Variants in DENND5A observed in about 807,000 individuals in gnomAD.
DENND5A encodes DENN domain-containing protein 5A.
Under a neutral mutation model 140.3 loss-of-function variants are expected in DENND5A, and 64 were observed. The ratio of observed to expected loss-of-function variants is 0.46; its 90% CI spans 0.37 to 0.56. The LOEUF is 0.56. Ranked by LOEUF, DENND5A falls within the 20% of genes least tolerant of loss-of-function variation. The probability of loss-of-function intolerance (pLI) is 0.00; values close to 1 mark genes in which losing one functional copy is unlikely to be tolerated. For synonymous variants in DENND5A, 605 were observed against 607.7 expected, an observed-to-expected ratio of 1.00 and a Z score of 0.07; for missense variants, 1,292 against 1,593.8, an observed-to-expected ratio of 0.81 and a Z score of 3.22.
chr11:9,181,139 A>G, intron 5 of DENND5A, 55 bp from the exon 6 acceptor site: 1 of 1,509,816 alleles, frequency 6.6e-7, no homozygotes, highest in Non-Finnish European at 8.9e-7. Context: ...TTACAGGAAG[A>G]AGTTTTAGAA....
chr11:9,141,897 C>A, intron 22 of DENND5A, 43 bp downstream of exon 22: 1 of 1,513,736 alleles, frequency 6.6e-7, no homozygotes, highest in Non-Finnish European at 8.9e-7. Flanking sequence ...ACACCACCAC[C>A]AAGGCTAACC....
intron 5 of DENND5A, among the ~76,000 whole-genome samples, chr11:9,191,793 CCT>C (rs1564906722): frequency 6.6e-6 from 1 of 152,134 alleles, no homozygotes; most frequent in Non-Finnish European, 1.5e-5. Flanking sequence ...GCCTCTTTGG[CCT>C]TCCACCTTCA....
intron 18 of DENND5A, among the ~76,000 whole-genome samples, chr11:9,144,729 C>T (rs1289398824): frequency 6.6e-6 from 1 of 150,730 alleles, no homozygotes; most frequent in Non-Finnish European, 1.5e-5. Context: ...GCACAGGCTG[C>T]AGTGAGCCAA....
chr11:9,172,688 C>T (rs1257111148), intron 8 of DENND5A, among the ~76,000 whole-genome samples: 1 of 152,188 alleles, frequency 6.6e-6, no homozygotes, highest in Non-Finnish European at 1.5e-5. Flanking sequence ...TTGAGGCATT[C>T]CCAGCCATGC....
intron 8 of DENND5A, chr11:9,172,261 C>T (rs1390340012): frequency 1.3e-5 from 2 of 152,092 alleles, no homozygotes; most frequent in Non-Finnish European, 2.9e-5. Context: ...GCTGCAAGCA[C>T]AAGAATCATG....
In DENND5A at chr11:9,194,118, G is replaced by A. The variant is rs935508651; in HGVS notation, c.950-437C>T. ...GATACATCTGCAGAACATCCTATAA[G>A]GAGCTTATGTGAGCTTTGCCTGCAA... is the stretch of plus-strand genomic sequence containing the variant. On this transcript the variant is annotated intron_variant, in intron 4 of 22. Transcript: ENST00000328194. Among the ~76,000 whole-genome samples the A allele has an allele frequency of 2.0e-5, 3 of 152,180 alleles. No individual in the cohort carries two copies. In the East Asian group the frequency reaches 5.8e-4, roughly 29 times the overall value.
chr11:9,164,055 G>GTTTTT (rs1848087696), intron 11 of DENND5A, among the ~76,000 whole-genome samples: 1 of 65,932 alleles, frequency 1.5e-5, no homozygotes, highest in Non-Finnish European at 2.9e-5. Context: ...ATATTAATCA[G>GTTTTT]GTTTTTTTTT....
chr11:9,144,120 G>C lies in DENND5A; in HGVS notation c.3281C>G (p.Thr1094Ser). Residue 1094 changes from threonine to serine, a missense_variant, in exon 19 of 23, where the codon ACC (threonine) becomes AGC (serine). Thr to Ser is a moderately conservative substitution (Grantham distance 58). Transcript: ENST00000328194. ...QSPSVIRRLV[T>S]ISPNNKPKLN... ...ACTGGGCTTGTTGTTGGGTGAGATG[G>C]TAACAAGCCTCCGGATGACACTGGG... 2 of 1,613,922 alleles carry C rather than the reference G, an allele frequency of 1.2e-6. No individual in the cohort carries two copies. The highest frequency in any genetic ancestry group is 1.7e-6 in the Non-Finnish European group (2 of 1,179,916).
At chr11:9,243,697 C>G (rs540268230) in intron 1 of DENND5A, among the ~76,000 whole-genome samples, 1 of 152,236 alleles carries the variant, frequency 6.6e-6, no homozygotes, top group South Asian at 2.1e-4. Flanking sequence ...ACCAGCCTGG[C>G]CAATATGGTG....
intron 1 of DENND5A, among the ~76,000 whole-genome samples, chr11:9,208,323 G>A (rs925422982): frequency 6.6e-6 from 1 of 152,186 alleles, no homozygotes; most frequent in Non-Finnish European, 1.5e-5. Flanking sequence ...CACTTGCACA[G>A]GGTCCTGTTT....
chr11:9,171,072 G>C (rs774924312), intron 8 of DENND5A: 17 of 330,484 alleles, frequency 5.1e-5, no homozygotes, highest in Non-Finnish European at 8.8e-5. Flanking sequence ...CTTCCAGGCT[G>C]TGGCACAGGG....
At position 9,203,882 on chromosome 11, in the gene DENND5A, A is replaced by G. The variant is rs1262447188; in HGVS notation, c.727T>C (p.Tyr243His). Reference protein sequence around the residue: ...PQPPPLPLESYIYNVLYEVPL... With the variant: ...PQPPPLPLESHIYNVLYEVPL... ...ACCTCGTAGAGTACGTTGTATATGT[A>G]GCTCTCAAGGGGCAGTGGAGGGGGC... The change falls in exon 4 of 23, where the codon TAC becomes CAC. Residue 243 changes from tyrosine (Y) to histidine (H), a missense_variant. This residue lies in a region of DENND5A where 566 missense variants were observed against 650.4 expected (regional missense o/e 0.87). Coordinates refer to ENST00000328194, the MANE Select transcript of DENND5A (RefSeq NM_015213.4). The G allele has an allele frequency of 6.2e-7, 1 of 1,614,130 alleles. No homozygotes were observed. The highest frequency in any genetic ancestry group is 2.2e-5 in the East Asian group (1 of 44,878).
At chr11:9,156,870 T>TGGATGGAAGGAAGGAA (rs1847821326) in intron 12 of DENND5A, among the ~76,000 whole-genome samples, 1 of 142,542 alleles carries the variant, frequency 7.0e-6, no homozygotes, top group Non-Finnish European at 1.5e-5. Context: ...GAAGGATGGA[T>TGGATGGAAGGAAGGAA]GGAAGGAAGG....
intron 5 of DENND5A, among the ~76,000 whole-genome samples, chr11:9,186,112 ACT>A (rs775862470): frequency 1.3e-5 from 2 of 152,186 alleles, no homozygotes; most frequent in African/African-American, 2.4e-5. Flanking sequence ...TGCATAAATT[ACT>A]CTGTCTACCA....
intron 5 of DENND5A, among the ~76,000 whole-genome samples, chr11:9,191,822 G>A (rs1008444414): frequency 3.3e-5 from 5 of 152,092 alleles, no homozygotes; most frequent in Admixed American, 1.3e-4. Flanking sequence ...TTTTGTTATT[G>A]TTCTTTTTGT....
intron 1 of DENND5A, among the ~76,000 whole-genome samples, chr11:9,219,616 G>C (rs1317495856): frequency 6.6e-6 from 1 of 152,178 alleles, no homozygotes; most frequent in South Asian, 2.1e-4. Context: ...GCCATCACGA[G>C]AAAGTGACAG....
chr11:9,226,109 T>C, intron 1 of DENND5A, among the ~76,000 whole-genome samples: 1 of 152,206 alleles, frequency 6.6e-6, no homozygotes, highest in Non-Finnish European at 1.5e-5. Flanking sequence ...ATTATCATCA[T>C]CATCATCACC....
intron 1 of DENND5A, among the ~76,000 whole-genome samples, chr11:9,253,205 C>CA (rs1417827833): frequency 2.0e-5 from 3 of 151,862 alleles, no homozygotes; most frequent in Non-Finnish European, 4.4e-5. Flanking sequence ...CCAACAAAGC[C>CA]AAAAAACAAG....
chr11:9,223,696 G>A (rs1271140267), intron 1 of DENND5A, among the ~76,000 whole-genome samples: 1 of 152,142 alleles, frequency 6.6e-6, no homozygotes, highest in Non-Finnish European at 1.5e-5. Context: ...TCCAGTCTGG[G>A]CAACAGAGCA....
Sources: allele counts gnomAD v4.1 joint callset (sites outside exome capture counted in the v4.1 genomes callset), GRCh38; gene constraint gnomAD v4.1.1; regional missense constraint gnomAD v4.1.1; transcripts MANE v1.5; gene names NCBI Gene and HGNC (gene_info 2026-07-23, HGNC 2026-07-21).